Variants in ZSWIM4 observed in about 807,000 individuals in gnomAD.
The protein encoded by ZSWIM4 is zinc finger SWIM-type containing 4.
In ZSWIM4, 62 loss-of-function variants were observed where a neutral mutation model predicts 102.5. The ratio of observed to expected loss-of-function variants is 0.60; its 90% CI spans 0.49 to 0.75. The LOEUF is 0.75. ZSWIM4 is among the 30% of genes least tolerant of loss of function. The probability of loss-of-function intolerance (pLI) is 0.00; values close to 1 mark genes in which losing one functional copy is unlikely to be tolerated. For missense variants in ZSWIM4, 1,280 were observed against 1,529.6 expected (o/e 0.84, Z 2.72); for synonymous variants, 652 against 674.5 (o/e 0.97, Z 0.52).
intron 1 of ZSWIM4, chr19:13,796,924 C>T (rs961669602): frequency 6.6e-6 from 1 of 152,270 alleles, no homozygotes; most frequent in Non-Finnish European, 1.5e-5. Flanking sequence ...GATGGGCAGG[C>T]TCTGATTCAT....
In ZSWIM4 at chr19:13,825,399, G is replaced by A; in HGVS notation, c.2216-151G>A. 1.0e-6 allele frequency: 1 copy of A among 966,336 alleles called. No individual in the cohort carries two copies. 59.9% of individuals were successfully genotyped at this position (966,336 alleles called of 1,614,324 possible). ...GCAAGGGCTAGGGGCACTGAGGTCT[G>A]AATCTTCACAGAACCATGGCCCAGT... On this transcript the variant is annotated intron_variant, in intron 11 of 13. Coordinates refer to ENST00000590508, the MANE Select transcript of ZSWIM4 (RefSeq NM_001367834.3). The surrounding 1 kb of genome is among the most constrained non-coding windows in gnomAD (Gnocchi z 4.6).
rs201959838 is a variant in ZSWIM4 at position 13,823,490 on chromosome 19, G to A, written c.2205G>A (p.Thr735=). The A allele has an allele frequency of 1.3e-5, 21 of 1,571,266 alleles. No individual in the cohort carries two copies. Among genetic ancestry groups the A allele is most frequent in the East Asian group, 7.1e-5 (3 of 42,204 alleles). ...RQCELASTML[T]AAKGDPKWLH... Reference sequence around the variant, plus strand: ...GTGAACTGGCTTCCACCATGTTGACGGCCGCCAAGGGTGAGGCTGGCAGCT... The same window carrying A: ...GTGAACTGGCTTCCACCATGTTGACAGCCGCCAAGGGTGAGGCTGGCAGCT... Residue 735 remains threonine (T), a synonymous_variant, in exon 11 of 14, where the codon ACG becomes ACA. Transcript: ENST00000590508.
rs1364662421 is a variant in ZSWIM4 at position 13,809,219 on chromosome 19, G to A, written c.1011G>A (p.Leu337=). ...AGTGCCGGCAGCTCTGGGATGAGCTGGGTGAGGCCCAAACCCCGGTGCGTG... is the reference window on the plus strand; with the variant it reads ...AGTGCCGGCAGCTCTGGGATGAGCTAGGTGAGGCCCAAACCCCGGTGCGTG... ...TDKCRQLWDE[L]GALWVCVVLS... The change falls in exon 5 of 14, where the codon CTG becomes CTA. Residue 337 remains leucine (L), a splice_region_variant and synonymous_variant. Coordinates refer to ENST00000590508, the MANE Select transcript of ZSWIM4 (RefSeq NM_001367834.3). This position sits in a 1 kb window ranked among gnomAD's most constrained non-coding sequence, Gnocchi z 4.2. The A allele has an allele frequency of 1.2e-6, 2 of 1,600,112 alleles. No individual in the cohort carries two copies. The highest frequency in any genetic ancestry group is 2.2e-5 in the East Asian group (1 of 44,620).
At chr19:13,828,282 A>C (rs1181989787) in intron 12 of ZSWIM4, among the ~76,000 whole-genome samples, 1 of 151,928 alleles carries the variant, frequency 6.6e-6, no homozygotes, top group Non-Finnish European at 1.5e-5. Context: ...GGTGGCGGGC[A>C]CCTGTAATCC....
At chr19:13,827,820 A>G (rs1975652819) in intron 12 of ZSWIM4, among the ~76,000 whole-genome samples, 3 of 152,088 alleles carry the variant, frequency 2.0e-5, no homozygotes, top group Admixed American at 2.0e-4. Context: ...GGGAGAGGCA[A>G]ACACGTGAGC....
At chr19:13,805,169 C>T (rs749507062) in intron 3 of ZSWIM4, 21 bp downstream of exon 3, 6 of 1,580,720 alleles carry the variant, frequency 3.8e-6, no homozygotes, top group East Asian at 2.2e-5. Flanking sequence ...CCCGGGGGTC[C>T]GGTGGGGAGA....
At position 13,830,211 on chromosome 19, in the gene ZSWIM4, A is replaced by G; in HGVS notation, c.2482A>G (p.Ile828Val). Reference sequence around the variant, plus strand: ...ACCAGGCCCGCAAGCCCTGATGAATATCATGCAGAACTGGTATTCCTTATT... The same window carrying G: ...ACCAGGCCCGCAAGCCCTGATGAATGTCATGCAGAACTGGTATTCCTTATT... ...TEIGPQALMN[I>V]MQNWYSLFTP... Residue 828 changes from isoleucine to valine, a missense_variant, in exon 14 of 14, where the codon ATC becomes GTC. By Grantham distance (29) the Ile-to-Val change is conservative. Coordinates refer to ENST00000590508, the MANE Select transcript of ZSWIM4 (RefSeq NM_001367834.3). 1 of 1,612,596 alleles carries G rather than the reference A, an allele frequency of 6.2e-7. No homozygotes were observed. Among genetic ancestry groups the G allele is most frequent in the Non-Finnish European group, 8.5e-7 (1 of 1,179,260 alleles).
intron 8 of ZSWIM4, 132 bp from the exon 9 acceptor site, chr19:13,817,590 G>T (rs1242949538): frequency 8.2e-6 from 10 of 1,214,842 alleles, no homozygotes; most frequent in Non-Finnish European, 1.1e-5. Context: ...CCCCAACCCC[G>T]TGAGTGCTGG....
rs56697508 is a variant in ZSWIM4, at chr19:13,825,142, C to T, written c.2216-408C>T. Among the ~76,000 whole-genome samples, 7 of 151,472 alleles carry T rather than the reference C, an allele frequency of 4.6e-5. No homozygotes were observed. Among genetic ancestry groups the T allele is most frequent in the South Asian group, 2.1e-4 (1 of 4,800 alleles). Reference sequence around the variant, plus strand: ...GCAACCTCTGCCTCCCGGGTTCAAGCGATTCTCGTGCCTCATCCTCCCAAG... The same window carrying T: ...GCAACCTCTGCCTCCCGGGTTCAAGTGATTCTCGTGCCTCATCCTCCCAAG... On this transcript the variant is annotated intron_variant, in intron 11 of 13. Transcript: ENST00000590508. This position sits in a 1 kb window ranked among gnomAD's most constrained non-coding sequence, Gnocchi z 4.6.
At chr19:13,813,196 A>C in intron 6 of ZSWIM4, 32 bp downstream of exon 6, 1 of 1,550,100 alleles carries the variant, frequency 6.5e-7, no homozygotes, top group Non-Finnish European at 8.8e-7. Flanking sequence ...CATGCCCCCC[A>C]AAAACCATCA....
chr19:13,817,850 G>T lies in ZSWIM4; in HGVS notation c.1798G>T (p.Glu600Ter). The change falls in exon 9 of 14, where the codon GAG (glutamate) becomes TAG (stop). Residue 600 changes from glutamate to a stop codon, truncating the protein, a stop_gained. Transcript: ENST00000590508. LOFTEE classifies it high-confidence loss of function. ...LGLGQQRALP[E>*]GLYAQDKVVR... ...GCTGGGGCAGCAGCGGGCCCTGCCG[G>T]AGGGGCTGTACGCCCAGGACAAGGT... The T allele has an allele frequency of 1.9e-6, 3 of 1,561,362 alleles. No individual in the cohort carries two copies. Among genetic ancestry groups the T allele is most frequent in the Non-Finnish European group, 2.6e-6 (3 of 1,152,636 alleles).
In ZSWIM4 at chr19:13,817,810, G is replaced by A; in HGVS notation, c.1758G>A (p.Glu586=). Residue 586 remains glutamate, a synonymous_variant, in exon 9 of 14, where the codon GAG becomes GAA. Transcript: ENST00000590508. ...PGESYLVLAL[E]VALLGLGQQR... is the part of the protein sequence containing the mutation. ...AGTCCTACTTGGTGCTGGCGCTGGA[G>A]GTGGCACTGCTGGGGCTGGGGCAGC... is the stretch of plus-strand genomic sequence containing the variant. 2 of 1,585,058 alleles carry A rather than the reference G, an allele frequency of 1.3e-6. No individual in the cohort carries two copies. Among genetic ancestry groups the A allele is most frequent in the East Asian group, 2.3e-5 (1 of 43,906 alleles).
intron 7 of ZSWIM4, among the ~76,000 whole-genome samples, chr19:13,815,997 G>T (rs1975273288): frequency 1.4e-5 from 2 of 147,290 alleles, no homozygotes; most frequent in Non-Finnish European, 3.0e-5. Flanking sequence ...AGAGAGAAGA[G>T]GAAAGAAAGA....
chr19:13,807,774 GATGGATGGATGGATGGATGGGTGT>G (rs796222795), intron 3 of ZSWIM4, among the ~76,000 whole-genome samples: 9 of 149,768 alleles, frequency 6.0e-5, no homozygotes, highest in African/African-American at 2.3e-4. Context: ...TGGATGGATG[GATGGATGGATGGATGGATGGGTGT>G]ATGGGTGTAT....
At chr19:13,814,019 A>G (rs906868020) in intron 6 of ZSWIM4, among the ~76,000 whole-genome samples, 5 of 151,662 alleles carry the variant, frequency 3.3e-5, no homozygotes, top group Admixed American at 6.6e-5. Context: ...TTTCCTATCA[A>G]TGTGATGGGC....
At chr19:13,824,474 G>A (rs957849612) in intron 11 of ZSWIM4, among the ~76,000 whole-genome samples, 12 of 152,058 alleles carry the variant, frequency 7.9e-5, no homozygotes, top group African/African-American at 2.9e-4. Flanking sequence ...GTGCACGCCT[G>A]TAATCCCAGC....
intron 10 of ZSWIM4, among the ~76,000 whole-genome samples, chr19:13,821,409 C>G (rs78039679): frequency 0.01 from 1,523 of 152,204 alleles, 20 homozygotes; most frequent in African/African-American, 0.035. Context: ...TGGTACACAT[C>G]TATGGTCCTA....
At chr19:13,820,840 G>A (rs139183319) in intron 10 of ZSWIM4, among the ~76,000 whole-genome samples, 11 of 150,832 alleles carry the variant, frequency 7.3e-5, no homozygotes, top group Non-Finnish European at 1.0e-4. Context: ...GAATCACTGC[G>A]TAGCCTTCCA....
intron 10 of ZSWIM4, among the ~76,000 whole-genome samples, chr19:13,820,424 C>T (rs779388750): frequency 1.1e-4 from 17 of 152,082 alleles, no homozygotes; most frequent in South Asian, 2.1e-4. Flanking sequence ...TTTGTAGAGA[C>T]GGGGTTTCAC....
Sources: gnomAD v4.1 joint callset for allele counts (sites outside exome capture counted in the v4.1 genomes callset) on GRCh38, gnomAD v4.1.1 for gene constraint, Gnocchi (gnomAD v3.1) non-coding constraint, MANE v1.5 for transcripts, NCBI Gene and HGNC (gene_info 2026-07-23, HGNC 2026-07-21) for gene names.